TMEM132C: variants seen among roughly 807,000 people sequenced by gnomAD.
TMEM132C encodes transmembrane protein 132C.
Under a neutral mutation model 61.4 loss-of-function variants are expected in TMEM132C, and 29 were observed. The ratio of observed to expected loss-of-function variants is 0.47; its 90% CI spans 0.35 to 0.64. The LOEUF is 0.64. Ranked by LOEUF, TMEM132C falls within the 30% of genes least tolerant of loss-of-function variation. The pLI, the probability that TMEM132C is intolerant of heterozygous loss-of-function variation, is 0.00. For synonymous variants in TMEM132C, 656 were observed against 633.1 expected (o/e 1.04, Z -0.54); for missense variants, 1,408 against 1,476.9 (o/e 0.95, Z 0.76).
intron 4 of TMEM132C, among the ~76,000 whole-genome samples, chr12:128,627,664 A>G (rs1436119829): frequency 6.6e-6 from 1 of 152,170 alleles, no homozygotes; most frequent in African/African-American, 2.4e-5. Context: ...TGTGACCATC[A>G]TTCGGAAAGC....
At chr12:128,577,027 A>G (rs149362126) in intron 3 of TMEM132C, among the ~76,000 whole-genome samples, 1 of 152,156 alleles carries the variant, frequency 6.6e-6, no homozygotes, top group Non-Finnish European at 1.5e-5. Flanking sequence ...TTTAATTCTT[A>G]AACATTTTCA....
intron 1 of TMEM132C, among the ~76,000 whole-genome samples, chr12:128,351,417 A>G (rs958050937): frequency 5.3e-5 from 8 of 152,334 alleles, no homozygotes; most frequent in African/African-American, 1.9e-4. Context: ...ATATATATTC[A>G]CATGCATATA....
chr12:128,624,371 C>T (rs989246171), intron 4 of TMEM132C, among the ~76,000 whole-genome samples: 11 of 151,832 alleles, frequency 7.2e-5, no homozygotes, highest in African/African-American at 2.7e-4. Context: ...TAGCGAAACC[C>T]CGTCTCTACT....
chr12:128,541,697 G>T (rs1369526771), intron 2 of TMEM132C, among the ~76,000 whole-genome samples: 1 of 152,146 alleles, frequency 6.6e-6, no homozygotes, highest in Non-Finnish European at 1.5e-5. Context: ...GGACTAAAAG[G>T]CTGTGAGAGG....
At chr12:128,424,454 GA>G (rs11436326) in intron 2 of TMEM132C, among the ~76,000 whole-genome samples, 287 of 140,898 alleles carry the variant, frequency 2.0e-3, no homozygotes, top group Middle Eastern at 3.6e-3. Flanking sequence ...ATGCTAAGTG[GA>G]AAAAAAAAAA....
chr12:128,290,573 GC>G (rs1309085432), intron 1 of TMEM132C, among the ~76,000 whole-genome samples: 1 of 152,106 alleles, frequency 6.6e-6, no homozygotes, highest in Non-Finnish European at 1.5e-5. Flanking sequence ...GGGAGTTATA[GC>G]CCCATTGAAT....
intron 2 of TMEM132C, among the ~76,000 whole-genome samples, chr12:128,523,978 A>C (rs1173257730): frequency 6.7e-6 from 1 of 149,624 alleles, no homozygotes; most frequent in Non-Finnish European, 1.5e-5. Flanking sequence ...GTGCCACTGC[A>C]CTCCAGCCTG....
chr12:128,707,416 T>A lies in TMEM132C; in HGVS notation c.*1121T>A, dbSNP rs1954851817. 6.6e-6 allele frequency: 1 copy of A among 152,148 alleles called. No individual in the cohort carries two copies. Among genetic ancestry groups the A allele is most frequent in the African/African-American group, 2.4e-5 (1 of 41,442 alleles). The allele number at this position is 152,148 out of a possible 1,614,324, so 9.4% of individuals were successfully genotyped here. On this transcript the variant is annotated 3_prime_UTR_variant, in exon 9 of 9. Coordinates refer to ENST00000435159, the MANE Select transcript of TMEM132C (RefSeq NM_001136103.3). ...GAACATGAACAAAGATAAAAACTGTTTGGAGGGTTTTTGAGTTGTTTTTCT... is the reference window on the plus strand; with the variant it reads ...GAACATGAACAAAGATAAAAACTGTATGGAGGGTTTTTGAGTTGTTTTTCT...
At chr12:128,408,278 C>T (rs1868386622) in intron 1 of TMEM132C, among the ~76,000 whole-genome samples, 2 of 152,118 alleles carry the variant, frequency 1.3e-5, no homozygotes, top group Admixed American at 1.3e-4. Context: ...AACGGGTTTC[C>T]TTTAGACTTT....
At chr12:128,442,005 T>A (rs1465583955) in intron 2 of TMEM132C, among the ~76,000 whole-genome samples, 2 of 151,934 alleles carry the variant, frequency 1.3e-5, no homozygotes, top group Admixed American at 1.3e-4. Context: ...CATCTCTAAT[T>A]AATAAATAAA....
intron 2 of TMEM132C, among the ~76,000 whole-genome samples, chr12:128,538,236 T>C (rs1873605661): frequency 6.6e-6 from 1 of 152,184 alleles, no homozygotes; most frequent in Non-Finnish European, 1.5e-5. Flanking sequence ...TTCCCCTGCC[T>C]CAGTCTCCCA....
At chr12:128,569,098 G>A (rs528404074) in intron 3 of TMEM132C, among the ~76,000 whole-genome samples, 2 of 152,284 alleles carry the variant, frequency 1.3e-5, no homozygotes, top group East Asian at 1.9e-4. Flanking sequence ...GTGAGCGGGG[G>A]CGTGCTGAGT....
chr12:128,600,131 C>T (rs57568282), intron 3 of TMEM132C, among the ~76,000 whole-genome samples: 21,725 of 152,064 alleles, frequency 0.14, 1,684 homozygotes, highest in South Asian at 0.31. Flanking sequence ...TACAGACGCC[C>T]GCCACTGCGC....
chr12:128,491,747 C>G (rs558367975), intron 2 of TMEM132C, among the ~76,000 whole-genome samples: 1 of 152,036 alleles, frequency 6.6e-6, no homozygotes, highest in Non-Finnish European at 1.5e-5. Context: ...GTTGTACCGG[C>G]TCTCAACTGC....
intron 2 of TMEM132C, among the ~76,000 whole-genome samples, chr12:128,486,177 G>A (rs1871486366): frequency 6.6e-6 from 1 of 152,146 alleles, no homozygotes; most frequent in South Asian, 2.1e-4. Context: ...GGACACGTTC[G>A]TAGGCACATT....
At chr12:128,451,558 G>C (rs1870175788) in intron 2 of TMEM132C, among the ~76,000 whole-genome samples, 1 of 152,120 alleles carries the variant, frequency 6.6e-6, no homozygotes, top group Non-Finnish European at 1.5e-5. Flanking sequence ...TTTTTCATGA[G>C]ACCTATTGTT....
chr12:128,354,464 T>C (rs934284593), intron 1 of TMEM132C, among the ~76,000 whole-genome samples: 1 of 151,774 alleles, frequency 6.6e-6, no homozygotes. Flanking sequence ...TTCTTTTCTT[T>C]CTTCCTTCCT....
chr12:128,578,370 T>C (rs1191703065), intron 3 of TMEM132C, among the ~76,000 whole-genome samples: 2 of 152,170 alleles, frequency 1.3e-5, no homozygotes, highest in African/African-American at 4.8e-5. Flanking sequence ...TCACCAGCCC[T>C]CCCTCACCTC....
intron 2 of TMEM132C, among the ~76,000 whole-genome samples, chr12:128,456,323 CT>C (rs1870339640): frequency 8.2e-6 from 1 of 121,478 alleles, no homozygotes; most frequent in Non-Finnish European, 1.7e-5. Context: ...ACATAATTTA[CT>C]ACATTAAATT....
Sources: allele counts gnomAD v4.1 joint callset (sites outside exome capture counted in the v4.1 genomes callset), GRCh38; gene constraint gnomAD v4.1.1; transcripts MANE v1.5; gene names NCBI Gene and HGNC (gene_info 2026-07-23, HGNC 2026-07-21).